NGEF: variants seen among roughly 807,000 people sequenced by gnomAD.
NGEF encodes the protein neuronal guanine nucleotide exchange factor.
In NGEF, 31 loss-of-function variants were observed where a neutral mutation model predicts 80.9. That is an observed-to-expected ratio of 0.38 (90% CI 0.29 to 0.52). The LOEUF (loss-of-function observed/expected upper bound fraction) is 0.52. Ranked by LOEUF, NGEF falls within the 20% of genes least tolerant of loss-of-function variation. NGEF has a pLI of 0.84. For missense variants in NGEF, 709 were observed against 926.2 expected (o/e 0.77, Z 3.04); for synonymous variants, 371 against 370.2 (o/e 1.00, Z -0.03).
intron 2 of NGEF, among the ~76,000 whole-genome samples, chr2:232,972,444 T>G (rs1694212881): frequency 6.6e-6 from 1 of 152,196 alleles, no homozygotes; most frequent in Non-Finnish European, 1.5e-5. Flanking sequence ...TTTAAAATGA[T>G]GTATGTGGCT....
intron 1 of NGEF, among the ~76,000 whole-genome samples, chr2:232,988,808 G>A (rs936747985): frequency 6.6e-6 from 1 of 152,200 alleles, no homozygotes; most frequent in African/African-American, 2.4e-5. Context: ...TCACAAATGG[G>A]AGATGATGCA....
At chr2:232,975,771 A>C (rs573040929) in intron 1 of NGEF, among the ~76,000 whole-genome samples, 2 of 152,120 alleles carry the variant, frequency 1.3e-5, no homozygotes, top group African/African-American at 2.4e-5. Context: ...CGAGCTAGGA[A>C]TTCTTCTCAG....
chr2:233,010,068 T>A (rs1170693959), intron 1 of NGEF, among the ~76,000 whole-genome samples: 1 of 152,166 alleles, frequency 6.6e-6, no homozygotes, highest in Admixed American at 6.5e-5. Context: ...AATTTTTGTA[T>A]TTTTAGTAGA....
At chr2:233,012,102 A>C (rs1158182183) in intron 1 of NGEF, among the ~76,000 whole-genome samples, 1 of 152,044 alleles carries the variant, frequency 6.6e-6, no homozygotes, top group East Asian at 1.9e-4. Context: ...AGAAAGAGAG[A>C]AGGGGCAGGG....
rs1694767255 is a variant in NGEF at position 232,995,155 on chromosome 2, GTATGTATA to G, written c.-75+17905_-75+17912del. ...TATGTACAGTATGTATATATGTACA[GTATGTATA>G]CTGTATATGTGTACAGTATGTATGC... On this transcript the variant is annotated intron_variant, in intron 1 of 14. Coordinates refer to ENST00000264051, the MANE Select transcript of NGEF (RefSeq NM_019850.3). Among the ~76,000 whole-genome samples, 3 of 35,746 alleles carry G rather than the reference GTATGTATA, an allele frequency of 8.4e-5. 1 individual carries two copies. Among genetic ancestry groups the G allele is most frequent in the Non-Finnish European group, 6.0e-5 (1 of 16,614 alleles). The allele number at this position is 35,746 out of a possible 152,430, so 23.5% of individuals were successfully genotyped here.
At chr2:232,890,964 T>A (rs1340612084) in intron 8 of NGEF, 1 of 473,562 alleles carries the variant, frequency 2.1e-6, no homozygotes, top group Non-Finnish European at 4.4e-6. Context: ...GCACAAGCGG[T>A]TCCCTCTGCG....
At chr2:232,900,026 ACT>A (rs1444813848) in intron 5 of NGEF, among the ~76,000 whole-genome samples, 2 of 128,908 alleles carry the variant, frequency 1.6e-5, no homozygotes, top group Non-Finnish European at 3.2e-5. Context: ...ATACACGTTC[ACT>A]CACATTCACT....
intron 5 of NGEF, among the ~76,000 whole-genome samples, chr2:232,902,948 C>T (rs1254629918): frequency 2.0e-5 from 3 of 152,152 alleles, no homozygotes; most frequent in African/African-American, 4.8e-5. Context: ...GAGCTGAGAT[C>T]GCGCCACTGC....
rs978352744 is a variant in NGEF, at chr2:232,883,906, A to G, written c.1601+75T>C. ...CTCTGTCCCGACACCCCCAACCCCC[A>G]GGCCACAATCAAACCCAATGCCCAA... is the stretch of plus-strand genomic sequence containing the variant. On this transcript the variant is annotated intron_variant, in intron 11 of 14. Coordinates refer to ENST00000264051, the MANE Select transcript of NGEF (RefSeq NM_019850.3). The G allele has an allele frequency of 5.6e-6, 8 of 1,434,066 alleles. No individual in the cohort carries two copies. The African/African-American group carries it at 1.1e-4, about 20-fold the overall frequency. 88.8% of individuals were successfully genotyped at this position (1,434,066 alleles called of 1,614,324 possible). A position where few individuals can be genotyped will look rare whatever the true frequency, so the allele number is the denominator to read the frequency against.
chr2:232,945,284 G>T (rs563633474), intron 3 of NGEF, among the ~76,000 whole-genome samples: 1 of 151,796 alleles, frequency 6.6e-6, no homozygotes, highest in Non-Finnish European at 1.5e-5. Context: ...AAAAAAAAAA[G>T]AGGCAAATTT....
At chr2:232,944,993 C>A (rs892707036) in intron 3 of NGEF, among the ~76,000 whole-genome samples, 2 of 151,938 alleles carry the variant, frequency 1.3e-5, no homozygotes, top group Non-Finnish European at 2.9e-5. Flanking sequence ...CTCAGGTGAT[C>A]TGTCCATCTT....
rs956700225 is a variant in NGEF, at chr2:232,944,422, C to G, written c.384-17236G>C. On this transcript the variant is annotated intron_variant, in intron 3 of 14. Coordinates refer to ENST00000264051, the MANE Select transcript of NGEF (RefSeq NM_019850.3). ...TATTGGAATCAACCTGAGTACCTATCCTAAGGAGACTGGTTGAATGAACCA... is the reference window on the plus strand; with the variant it reads ...TATTGGAATCAACCTGAGTACCTATGCTAAGGAGACTGGTTGAATGAACCA... Among the ~76,000 whole-genome samples, 5 of 151,924 alleles carry G rather than the reference C, an allele frequency of 3.3e-5. No homozygotes were observed. The South Asian group carries it at 1.0e-3, about 32-fold the overall frequency.
chr2:232,977,043 C>T (rs1694310084), intron 1 of NGEF, among the ~76,000 whole-genome samples: 1 of 152,164 alleles, frequency 6.6e-6, no homozygotes, highest in Admixed American at 6.5e-5. Flanking sequence ...TTATGTGTGG[C>T]AAAGAACCCA....
At chr2:232,985,701 A>G (rs1005644940) in intron 1 of NGEF, among the ~76,000 whole-genome samples, 2 of 152,134 alleles carry the variant, frequency 1.3e-5, no homozygotes, top group African/African-American at 4.8e-5. Context: ...TGCAGTGAGC[A>G]GAGATTGTGT....
At chr2:232,888,255 T>C (rs769284080) in intron 8 of NGEF, 148 bp from the exon 9 acceptor site, 1 of 617,286 alleles carries the variant, frequency 1.6e-6, no homozygotes, top group East Asian at 2.8e-5. Context: ...CGCACACGCA[T>C]ACATGCATGC....
rs541444190 is a variant in NGEF, at chr2:232,899,135, AAG to A, written c.829-4221_829-4220del. On this transcript the variant is annotated intron_variant, in intron 5 of 14. Coordinates refer to ENST00000264051, the MANE Select transcript of NGEF (RefSeq NM_019850.3). ...GGTGTGAATGTGTGCATGTGTGTGA[AAG>A]AGTATGAGAGTGTGTGACAGTGGGT... 2.4e-3 allele frequency among the ~76,000 whole-genome samples: 362 copies of A among 150,338 alleles called. 4 individuals are homozygous for A. The highest frequency in any genetic ancestry group is 6.8e-3 in the Middle Eastern group (2 of 294).
chr2:232,916,289 G>A (rs1050909036), intron 5 of NGEF, among the ~76,000 whole-genome samples: 13 of 152,152 alleles, frequency 8.5e-5, no homozygotes, highest in Non-Finnish European at 1.8e-4. Flanking sequence ...AAGCCTGAGA[G>A]GTAGGTACTA....
At chr2:232,987,164 G>T (rs56366327) in intron 1 of NGEF, among the ~76,000 whole-genome samples, 31,627 of 151,740 alleles carry the variant, frequency 0.21, 4,031 homozygotes, top group Non-Finnish European at 0.28. Context: ...TTACAGGCAC[G>T]TGCCGCCACG....
At chr2:232,975,960 G>A (rs1174268033) in intron 1 of NGEF, among the ~76,000 whole-genome samples, 2 of 152,126 alleles carry the variant, frequency 1.3e-5, no homozygotes, top group Non-Finnish European at 2.9e-5. Flanking sequence ...TAGCACTTTG[G>A]GAGGCCGAGG....
Sources: gnomAD v4.1 joint callset for allele counts (sites outside exome capture counted in the v4.1 genomes callset) on GRCh38, gnomAD v4.1.1 for gene constraint, MANE v1.5 for transcripts, NCBI Gene and HGNC (gene_info 2026-07-23, HGNC 2026-07-21) for gene names.